Variants in EVA1A observed in about 807,000 individuals in gnomAD.
EVA1A encodes the protein eva-1 homolog A, regulator of programmed cell death, also known as protein eva-1 homolog A.
EVA1A carries 7 observed loss-of-function variants against 9.8 expected under a neutral mutation model. The observed-to-expected ratio is 0.71, with a 90% CI of 0.41 to 1.34. The LOEUF is 1.34. Ranked by LOEUF, EVA1A falls within the 40% of genes most tolerant of loss-of-function variation. The pLI, the probability that EVA1A is intolerant of heterozygous loss-of-function variation, is 0.01. For synonymous variants in EVA1A, 90 were observed against 85.6 expected (o/e 1.05, Z -0.28); for missense variants, 206 against 205.9 (o/e 1.00, Z 0.00).
intron 3 of EVA1A, among the ~76,000 whole-genome samples, chr2:75,504,045 A>G (rs1434895623): frequency 2.6e-5 from 4 of 152,170 alleles, no homozygotes; most frequent in Admixed American, 2.6e-4. Context: ...TGGGCATTAA[A>G]GAGAATCACG....
chr2:75,524,212 C>T (rs1235072931), intron 1 of EVA1A: 2 of 152,030 alleles, frequency 1.3e-5, no homozygotes, highest in African/African-American at 4.8e-5. Context: ...TCTTTATTAG[C>T]AGCTAGAATC....
At chr2:75,539,875 C>T (rs1676048585) in intron 1 of EVA1A, among the ~76,000 whole-genome samples, 2 of 152,026 alleles carry the variant, frequency 1.3e-5, no homozygotes, top group East Asian at 1.9e-4. Flanking sequence ...TAATTGAAGG[C>T]ATAAAGGTAG....
intron 2 of EVA1A, among the ~76,000 whole-genome samples, chr2:75,518,463 AG>A (rs1675097058): frequency 6.6e-6 from 1 of 152,182 alleles, no homozygotes; most frequent in African/African-American, 2.4e-5. Context: ...TCCTAAAGAA[AG>A]ACCAGCGAGC....
At chr2:75,505,613 C>T (rs530027400) in intron 3 of EVA1A, among the ~76,000 whole-genome samples, 15 of 152,088 alleles carry the variant, frequency 9.9e-5, no homozygotes, top group African/African-American at 2.9e-4. Flanking sequence ...GAGTTCAATA[C>T]CAGCCTGGCC....
intron 1 of EVA1A, among the ~76,000 whole-genome samples, chr2:75,567,792 C>T (rs557321043): frequency 1.2e-4 from 18 of 152,192 alleles, no homozygotes; most frequent in Admixed American, 2.6e-4. Flanking sequence ...AACCAGTGTC[C>T]GCGACCAGCA....
chr2:75,537,522 ACTGTC>A (rs1207442929), intron 1 of EVA1A, among the ~76,000 whole-genome samples: 9 of 152,198 alleles, frequency 5.9e-5, no homozygotes, highest in Non-Finnish European at 1.2e-4. Flanking sequence ...AAGAAATAAA[ACTGTC>A]CCTATTTGCA....
At chr2:75,541,355 C>T (rs955678361) in intron 1 of EVA1A, among the ~76,000 whole-genome samples, 5 of 152,144 alleles carry the variant, frequency 3.3e-5, no homozygotes, top group African/African-American at 9.7e-5. Flanking sequence ...AGGGACTATA[C>T]GAGTCGGAAC....
chr2:75,509,484 T>C (rs1674736211), intron 3 of EVA1A, among the ~76,000 whole-genome samples: 1 of 152,158 alleles, frequency 6.6e-6, no homozygotes, highest in African/African-American at 2.4e-5. Flanking sequence ...AATAGTAAGA[T>C]TGTTGCTAAT....
At chr2:75,522,083 C>T (rs941194595) in intron 2 of EVA1A, among the ~76,000 whole-genome samples, 1 of 152,036 alleles carries the variant, frequency 6.6e-6, no homozygotes, top group Non-Finnish European at 1.5e-5. Context: ...AATAAGTGTA[C>T]TCTACCATAT....
At position 75,555,331 on chromosome 2, in the gene EVA1A, C is replaced by CTCTT. The variant is rs1676670681; in HGVS notation, c.-192+5348_-192+5349insAAGA. On this transcript the variant is annotated intron_variant, in intron 1 of 3. Transcript: ENST00000393913. ...TCTCTCTCTCTCTCTCTCTCTCTCTCTCTCTCCCCCATCTCCCCTTCTTTC... is the reference window on the plus strand; with the variant it reads ...TCTCTCTCTCTCTCTCTCTCTCTCTCTCTTTCTCTCCCCCATCTCCCCTTCTTTC... Among the ~76,000 whole-genome samples the CTCTT allele has an allele frequency of 2.0e-5, 3 of 149,316 alleles. No homozygotes were observed. In the Admixed American group the frequency reaches 2.0e-4, roughly 10 times the overall value.
intron 3 of EVA1A, among the ~76,000 whole-genome samples, chr2:75,502,540 A>G (rs1192084304): frequency 6.6e-6 from 1 of 152,202 alleles, no homozygotes; most frequent in African/African-American, 2.4e-5. Context: ...TATTGCATAC[A>G]TGCATGCACA....
chr2:75,539,175 T>C (rs923185939), intron 1 of EVA1A, among the ~76,000 whole-genome samples: 2 of 152,180 alleles, frequency 1.3e-5, no homozygotes, highest in African/African-American at 4.8e-5. Context: ...AACCAGGATA[T>C]TAGGGGAAAT....
intron 1 of EVA1A, among the ~76,000 whole-genome samples, chr2:75,543,625 G>A (rs1444649161): frequency 1.3e-5 from 2 of 152,174 alleles, no homozygotes; most frequent in Non-Finnish European, 2.9e-5. Flanking sequence ...TGGGGATTGT[G>A]CCAGCCTCCC....
Position 75,555,336 on chromosome 2 carries a change from T to TCTCC in EVA1A, c.-192+5343_-192+5344insGGAG, listed in dbSNP as rs766586263. Among the ~76,000 whole-genome samples the TCTCC allele has an allele frequency of 4.5e-3, 465 of 102,308 alleles. 40 individuals carry two copies. In the Admixed American group the frequency reaches 0.048, roughly 11 times the overall value. The allele number at this position is 102,308 out of a possible 152,430, so 67.1% of individuals were successfully genotyped here. A position where few individuals can be genotyped will look rare whatever the true frequency, so the allele number is the denominator to read the frequency against. On this transcript the variant is annotated intron_variant, in intron 1 of 3. Transcript: ENST00000393913. ...CTCTCTCTCTCTCTCTCTCTCTCTC[T>TCTCC]CCCCCATCTCCCCTTCTTTCCCTCT...
At chr2:75,521,561 A>C (rs998170080) in intron 2 of EVA1A, among the ~76,000 whole-genome samples, 1 of 152,270 alleles carries the variant, frequency 6.6e-6, no homozygotes, top group African/African-American at 2.4e-5. Flanking sequence ...TAAGTGAAAT[A>C]AGCCAGTCAA....
In EVA1A at chr2:75,493,086, C is replaced by T; in HGVS notation, c.*150G>A. On this transcript the variant is annotated 3_prime_UTR_variant, in exon 4 of 4. Coordinates refer to ENST00000393913, the MANE Select transcript of EVA1A (RefSeq NM_001135032.2). ...CTCCATACATTTGGCCAAAAAGGAG[C>T]AATCCTCCTGGCTAGAAAAGGGGCA... The T allele has an allele frequency of 8.5e-7, 1 of 1,174,542 alleles. No individual in the cohort carries two copies. The highest frequency in any genetic ancestry group is 2.4e-5 in the East Asian group (1 of 41,836). 72.8% of individuals were successfully genotyped at this position (1,174,542 alleles called of 1,614,324 possible).
At chr2:75,528,975 T>G (rs2103884915) in intron 1 of EVA1A, among the ~76,000 whole-genome samples, 1 of 152,316 alleles carries the variant, frequency 6.6e-6, no homozygotes, top group African/African-American at 2.4e-5. Flanking sequence ...GTGTGACAAC[T>G]TCACTATAAG....
rs190989436 is a variant in EVA1A, at chr2:75,530,633, C to T, written c.-191-8146G>A. Among the ~76,000 whole-genome samples the T allele has an allele frequency of 7.2e-5, 11 of 152,122 alleles. No homozygotes were observed. In the East Asian group the frequency reaches 2.1e-3, roughly 29 times the overall value. On this transcript the variant is annotated intron_variant, in intron 1 of 3. Transcript: ENST00000393913. ...CAATAAATGTGATACACCACATAAA[C>T]AGAATTAAAAACAGAAATTATATGA... is the stretch of plus-strand genomic sequence containing the variant.
chr2:75,540,875 G>A (rs1456670456), intron 1 of EVA1A: 1 of 152,214 alleles, frequency 6.6e-6, no homozygotes, highest in East Asian at 1.9e-4. Flanking sequence ...ATAAAGGCAG[G>A]TGTCTATTCA....
Sources: allele counts gnomAD v4.1 joint callset (sites outside exome capture counted in the v4.1 genomes callset), GRCh38; gene constraint gnomAD v4.1.1; transcripts MANE v1.5; gene names NCBI Gene and HGNC (gene_info 2026-07-23, HGNC 2026-07-21).